MGAT5: variants seen among roughly 807,000 people sequenced by gnomAD.
MGAT5 encodes alpha-1,6-mannosylglycoprotein 6-beta-N-acetylglucosaminyltransferase A.
A neutral mutation model predicts 94.3 loss-of-function variants in MGAT5; 30 were observed. The ratio of observed to expected loss-of-function variants is 0.32; its 90% CI spans 0.24 to 0.43. The LOEUF is 0.43. Ranked by LOEUF, MGAT5 falls within the 20% of genes least tolerant of loss-of-function variation. The probability of loss-of-function intolerance (pLI) is 1.00; values close to 1 mark genes in which losing one functional copy is unlikely to be tolerated. For missense variants in MGAT5, 691 were observed against 905.5 expected (o/e 0.76, Z 3.04); for synonymous variants, 310 against 322.9 (o/e 0.96, Z 0.43).
intron 10 of MGAT5, among the ~76,000 whole-genome samples, chr2:134,381,160 C>G (rs1370885427): frequency 2.0e-5 from 3 of 152,046 alleles, no homozygotes; most frequent in Non-Finnish European, 4.4e-5. Flanking sequence ...ATTATAATGA[C>G]TATTATAGCT....
intron 15 of MGAT5, among the ~76,000 whole-genome samples, chr2:134,442,249 G>A (rs1685525442): frequency 6.6e-6 from 1 of 152,280 alleles, no homozygotes; most frequent in South Asian, 2.1e-4. Flanking sequence ...GGGAGTAGAG[G>A]TGGGCACAGA....
At chr2:134,305,021 C>G (rs1686243909) in intron 2 of MGAT5, among the ~76,000 whole-genome samples, 1 of 152,202 alleles carries the variant, frequency 6.6e-6, no homozygotes, top group African/African-American at 2.4e-5. Flanking sequence ...AGCCTTTCTT[C>G]AAACCGTACC....
At chr2:134,234,200 C>T (rs772783857) in intron 1 of MGAT5, among the ~76,000 whole-genome samples, 33 of 151,746 alleles carry the variant, frequency 2.2e-4, no homozygotes, top group Non-Finnish European at 4.6e-4. Flanking sequence ...AGAAGGAAGC[C>T]GGGGATTGGG....
At position 134,368,648 on chromosome 2, in the gene MGAT5, G is replaced by T. The variant is rs911826927; in HGVS notation, c.1380+6240G>T. ...CAGCCAGAGTGATCTTTTCTAAAAT[G>T]CAAACTGAATCGTGCTACTCCTTTG... is the stretch of plus-strand genomic sequence containing the variant. On this transcript the variant is annotated intron_variant, in intron 10 of 15. Transcript: ENST00000281923. 1.3e-5 allele frequency among the ~76,000 whole-genome samples: 2 copies of T among 152,144 alleles called. 1 individual carries two copies. Among genetic ancestry groups the T allele is most frequent in the South Asian group, 4.1e-4 (2 of 4,828 alleles).
At chr2:134,169,415 C>CACAG (rs1553487201) in intron 1 of MGAT5, among the ~76,000 whole-genome samples, 625 of 58,266 alleles carry the variant, frequency 0.011, 5 homozygotes, top group Middle Eastern at 0.021. Flanking sequence ...CACACACAGA[C>CACAG]ACACACACAC....
At chr2:134,427,460 C>G (rs1371760502) in intron 13 of MGAT5, among the ~76,000 whole-genome samples, 6 of 152,202 alleles carry the variant, frequency 3.9e-5, no homozygotes, top group African/African-American at 1.4e-4. Flanking sequence ...ATTGCCTCCT[C>G]TACCCTAATG....
chr2:134,358,981 T>G (rs1159805455), intron 9 of MGAT5, among the ~76,000 whole-genome samples: 1 of 152,232 alleles, frequency 6.6e-6, no homozygotes, highest in East Asian at 1.9e-4. Context: ...AGGGACCACA[T>G]CAAGCTGATT....
At chr2:134,172,873 TA>T (rs1688285122) in intron 1 of MGAT5, among the ~76,000 whole-genome samples, 1 of 152,270 alleles carries the variant, frequency 6.6e-6, no homozygotes, top group African/African-American at 2.4e-5. Flanking sequence ...TAAACATTCC[TA>T]ATTCTTGTTT....
At chr2:134,289,188 G>A (rs1206813296) in intron 2 of MGAT5, among the ~76,000 whole-genome samples, 3 of 152,152 alleles carry the variant, frequency 2.0e-5, no homozygotes, top group Admixed American at 6.5e-5. Flanking sequence ...CAGTGTGCCA[G>A]TCTCTCCTCT....
intron 1 of MGAT5, among the ~76,000 whole-genome samples, chr2:134,234,642 C>T (rs527694060): frequency 1.1e-4 from 16 of 152,318 alleles, no homozygotes; most frequent in Middle Eastern, 3.4e-3. Context: ...AAATTCCCTT[C>T]GTTTCTTGGG....
At chr2:134,323,941 C>A (rs748094955) in intron 4 of MGAT5, among the ~76,000 whole-genome samples, 54 of 151,996 alleles carry the variant, frequency 3.6e-4, no homozygotes, top group Non-Finnish European at 8.8e-5. Flanking sequence ...AGAGACAGGG[C>A]CCTATAAAGT....
rs564149113 is a variant in MGAT5 at position 134,318,238 on chromosome 2, G to A, written c.484-412G>A. Among the ~76,000 whole-genome samples, 10 of 152,234 alleles carry A rather than the reference G, an allele frequency of 6.6e-5. No individual in the cohort carries two copies. The East Asian group carries it at 7.8e-4, about 12-fold the overall frequency. On this transcript the variant is annotated intron_variant, in intron 3 of 15. Transcript: ENST00000281923. The stretch of plus-strand genomic sequence containing the variant: ...CCATGTGGGCCGTCCGTCAACGCTC[G>A]TCCGTGCCCTCCTTCACGCACTGTA...
intron 1 of MGAT5, among the ~76,000 whole-genome samples, chr2:134,147,629 C>T (rs1040271524): frequency 1.3e-5 from 2 of 149,570 alleles, no homozygotes; most frequent in African/African-American, 5.0e-5. Context: ...AAAAAAGGAA[C>T]AGCCTCTAAT....
chr2:134,200,388 G>T (rs1024590758), intron 1 of MGAT5, among the ~76,000 whole-genome samples: 1 of 152,214 alleles, frequency 6.6e-6, no homozygotes, highest in Non-Finnish European at 1.5e-5. Context: ...TTTCTCTCAT[G>T]TCTGCAGTGA....
chr2:134,166,271 A>G (rs889462131), intron 1 of MGAT5, among the ~76,000 whole-genome samples: 17 of 152,246 alleles, frequency 1.1e-4, no homozygotes, highest in African/African-American at 3.6e-4. Flanking sequence ...TGTAAGAACT[A>G]TAGTGTGATA....
chr2:134,446,663 C>T (rs1306851468), intron 15 of MGAT5, among the ~76,000 whole-genome samples: 1 of 152,204 alleles, frequency 6.6e-6, no homozygotes, highest in Non-Finnish European at 1.5e-5. Flanking sequence ...ACTCCCTGGG[C>T]ATTACCATCT....
intron 1 of MGAT5, among the ~76,000 whole-genome samples, chr2:134,264,500 G>A (rs561708691): frequency 6.6e-6 from 1 of 152,242 alleles, no homozygotes; most frequent in South Asian, 2.1e-4. Context: ...ATGAATGGCT[G>A]ACATAATGTA....
chr2:134,350,180 A>G (rs1222761902), intron 9 of MGAT5, among the ~76,000 whole-genome samples: 3 of 152,206 alleles, frequency 2.0e-5, no homozygotes, highest in South Asian at 2.1e-4. Context: ...AAAATGTTCA[A>G]TACAAAGTAT....
rs561388108 is a variant in MGAT5 at position 134,149,855 on chromosome 2, G to T, written c.-143+29564G>T. On this transcript the variant is annotated intron_variant, in intron 1 of 16. Transcript: ENST00000409645. ...GGGGAGGAAGTAGAGTTACTGGAGT[G>T]CAGTGAGACCTGGAACAGTGGAGGA... 5.9e-5 allele frequency among the ~76,000 whole-genome samples: 9 copies of T among 152,360 alleles called. No homozygotes were observed. The South Asian group carries it at 1.0e-3, about 18-fold the overall frequency.
Sources: allele counts gnomAD v4.1 joint callset (sites outside exome capture counted in the v4.1 genomes callset), GRCh38; gene constraint gnomAD v4.1.1; transcripts MANE v1.5; gene names NCBI Gene and HGNC (gene_info 2026-07-23, HGNC 2026-07-21).